The following ARHGAP18 variants were observed in gnomAD, a reference collection of about 807,000 sequenced individuals.
The protein encoded by ARHGAP18 is rho GTPase-activating protein 18.
Under a neutral mutation model 86.2 loss-of-function variants are expected in ARHGAP18, and 67 were observed. The ratio of observed to expected loss-of-function variants is 0.78; its 90% CI spans 0.64 to 0.95. The LOEUF (loss-of-function observed/expected upper bound fraction) is 0.95, where lower values mean the gene tolerates loss of function less well. Ranked by LOEUF, ARHGAP18 falls within the 40% of genes least tolerant of loss-of-function variation. ARHGAP18 has a pLI of 0.00. For missense variants in ARHGAP18, 691 were observed against 780.4 expected (o/e 0.89, Z 1.37); for synonymous variants, 283 against 280.4 (o/e 1.01, Z -0.09).
intron 1 of ARHGAP18, among the ~76,000 whole-genome samples, chr6:129,683,023 A>G (rs926643778): frequency 7.9e-5 from 12 of 150,978 alleles, no homozygotes; most frequent in East Asian, 5.8e-4. Context: ...ATACTTCAGG[A>G]AAAAAAAAGT....
intron 1 of ARHGAP18, among the ~76,000 whole-genome samples, chr6:129,708,064 T>C (rs1040871674): frequency 3.3e-5 from 5 of 151,994 alleles, no homozygotes; most frequent in African/African-American, 1.2e-4. Flanking sequence ...GCAATTACAG[T>C]ATCTCAATCC....
chr6:129,592,095 C>T (rs555151915), intron 12 of ARHGAP18, among the ~76,000 whole-genome samples: 22 of 150,702 alleles, frequency 1.5e-4, no homozygotes, highest in African/African-American at 5.1e-4. Flanking sequence ...GACATAAGTT[C>T]TAATATTTTT....
chr6:129,694,314 T>C (rs1774577289), intron 1 of ARHGAP18, among the ~76,000 whole-genome samples: 1 of 152,230 alleles, frequency 6.6e-6, no homozygotes, highest in Non-Finnish European at 1.5e-5. Context: ...GCCGTGCCAA[T>C]AGCAGTGTGA....
rs190499508 is a variant in ARHGAP18, at chr6:129,681,067, A to C, written c.113+28957T>G. 2.8e-4 allele frequency among the ~76,000 whole-genome samples: 43 copies of C among 152,152 alleles called. No homozygotes were observed. The East Asian group carries it at 7.3e-3, about 26-fold the overall frequency. The stretch of plus-strand genomic sequence containing the variant: ...CCACTTGCCAAGATCCTTAATCAGA[A>C]GTTTTTTTTGCTGTTGTTGTTGTTT... On this transcript the variant is annotated intron_variant, in intron 1 of 14. Coordinates refer to ENST00000368149, the MANE Select transcript of ARHGAP18 (RefSeq NM_033515.3).
chr6:129,608,059 GGC>G lies in ARHGAP18; in HGVS notation c.1123-9_1123-8del. On this transcript the variant is annotated splice_polypyrimidine_tract_variant and splice_region_variant and intron_variant, in intron 8 of 14. Transcript: ENST00000368149. ...CTAGTTCTTGGCAAAGATTCTGATA[GGC>G]ACGAAAAAAAAAAAAAAAAAAAAAA... 1.9e-6 allele frequency: 2 copies of G among 1,080,042 alleles called. No individual in the cohort carries two copies. The highest frequency in any genetic ancestry group is 3.1e-5 in the Admixed American group (1 of 32,492). The allele number at this position is 1,080,042 out of a possible 1,614,324, so 66.9% of individuals were successfully genotyped here.
intron 1 of ARHGAP18, among the ~76,000 whole-genome samples, chr6:129,642,656 C>T (rs1475016473): frequency 6.6e-6 from 1 of 152,136 alleles, no homozygotes; most frequent in Non-Finnish European, 1.5e-5. Context: ...ATCTTGATTA[C>T]AGACTATTAA....
intron 5 of ARHGAP18, among the ~76,000 whole-genome samples, chr6:129,621,366 C>T (rs985605717): frequency 8.5e-5 from 13 of 152,132 alleles, no homozygotes; most frequent in East Asian, 1.9e-4. Context: ...CTTAACCGTT[C>T]GTAATGTGTT....
intron 9 of ARHGAP18, 84 bp downstream of exon 9, chr6:129,607,809 T>A (rs1266558358): frequency 7.1e-7 from 1 of 1,408,794 alleles, no homozygotes; most frequent in Non-Finnish European, 9.4e-7. Context: ...TCTGGTTGCG[T>A]TCTTTGTGAT....
intron 1 of ARHGAP18, among the ~76,000 whole-genome samples, chr6:129,648,104 A>G (rs1369907552): frequency 6.6e-6 from 1 of 152,212 alleles, no homozygotes; most frequent in African/African-American, 2.4e-5. Context: ...AATACATTTA[A>G]AAATCAAACC....
chr6:129,599,779 G>A lies in ARHGAP18; in HGVS notation c.1573-423C>T, dbSNP rs554267181. 1.1e-3 allele frequency among the ~76,000 whole-genome samples: 170 copies of A among 152,102 alleles called. 1 individual carries two copies. The highest frequency in any genetic ancestry group is 1.9e-3 in the Non-Finnish European group (126 of 68,022). Reference sequence around the variant, plus strand: ...AACCAGCTAGCCGCTGCTGTCATGAGAGAAAGAACTCCCCAAGAAACAAGA... The same window carrying A: ...AACCAGCTAGCCGCTGCTGTCATGAAAGAAAGAACTCCCCAAGAAACAAGA... On this transcript the variant is annotated intron_variant, in intron 11 of 14. Transcript: ENST00000368149.
intron 14 of ARHGAP18, among the ~76,000 whole-genome samples, chr6:129,579,361 A>G (rs1037632462): frequency 6.6e-6 from 1 of 152,174 alleles, no homozygotes; most frequent in African/African-American, 2.4e-5. Context: ...AATATTTACT[A>G]ACATTTTTAA....
chr6:129,706,057 C>G (rs1774796855), intron 1 of ARHGAP18, among the ~76,000 whole-genome samples: 2 of 152,216 alleles, frequency 1.3e-5, no homozygotes, highest in Admixed American at 1.3e-4. Flanking sequence ...TCTCACTCAT[C>G]AGTCCATTCA....
chr6:129,616,216 T>C lies in ARHGAP18; in HGVS notation c.1040A>G (p.Gln347Arg). Residue 347 changes from glutamine (Q) to arginine (R), a missense_variant, in exon 7 of 15, where the codon CAA (glutamine) becomes CGA (arginine). Gln to Arg is a conservative substitution (Grantham distance 43). Coordinates refer to ENST00000368149, the MANE Select transcript of ARHGAP18 (RefSeq NM_033515.3). The stretch of plus-strand genomic sequence containing the variant: ...GACCAATCCAAGCCTACCTACTTTT[T>C]GAAAGATCAAGGGTATTCGCATTCC... The part of the protein sequence containing the change: ...VPGMRIPLIF[Q>R]KLISRIEERG... 6.2e-7 allele frequency: 1 copy of C among 1,607,794 alleles called. No homozygotes were observed. Among genetic ancestry groups the C allele is most frequent in the Non-Finnish European group, 8.5e-7 (1 of 1,176,584 alleles).
At chr6:129,658,422 G>GA (rs35817569) in intron 1 of ARHGAP18, among the ~76,000 whole-genome samples, 12,956 of 146,118 alleles carry the variant, frequency 0.089, 617 homozygotes, top group African/African-American at 0.13. Context: ...ACCTCAAATG[G>GA]AAAAAAAAAA....
chr6:129,639,618 T>C (rs1773403803), intron 2 of ARHGAP18, among the ~76,000 whole-genome samples: 1 of 152,232 alleles, frequency 6.6e-6, no homozygotes, highest in South Asian at 2.1e-4. Context: ...TAGTCCTACC[T>C]GTCTGTCTTT....
At chr6:129,622,505 A>C (rs2114474981) in intron 5 of ARHGAP18, among the ~76,000 whole-genome samples, 1 of 152,150 alleles carries the variant, frequency 6.6e-6, no homozygotes, top group East Asian at 1.9e-4. Flanking sequence ...TCATGAGCTT[A>C]TTTATTTATT....
chr6:129,582,797 T>C (rs1788315035), intron 13 of ARHGAP18, among the ~76,000 whole-genome samples: 1 of 152,170 alleles, frequency 6.6e-6, no homozygotes, highest in Non-Finnish European at 1.5e-5. Context: ...CTATGAAAAA[T>C]GTGTGACCTT....
chr6:129,668,362 TCACACA>T (rs35153109), intron 1 of ARHGAP18, among the ~76,000 whole-genome samples: 212 of 137,842 alleles, frequency 1.5e-3, no homozygotes, highest in African/African-American at 4.3e-3. Flanking sequence ...ACCCAAATAA[TCACACA>T]CACACACACA....
At chr6:129,684,159 C>T (rs1302911924) in intron 1 of ARHGAP18, among the ~76,000 whole-genome samples, 1 of 152,174 alleles carries the variant, frequency 6.6e-6, no homozygotes, top group Non-Finnish European at 1.5e-5. Context: ...AGGCCAGCTG[C>T]AGGACTGCCA....
Sources: gnomAD v4.1 joint callset for allele counts (sites outside exome capture counted in the v4.1 genomes callset) on GRCh38, gnomAD v4.1.1 for gene constraint, MANE v1.5 for transcripts, NCBI Gene and HGNC (gene_info 2026-07-23, HGNC 2026-07-21) for gene names.